The following CD38 variants were observed in gnomAD, a reference collection of about 807,000 sequenced individuals.
CD38 encodes ADP-ribosyl cyclase/cyclic ADP-ribose hydrolase 1.
CD38 carries 31 observed loss-of-function variants against 36.3 expected under a neutral mutation model. That is an observed-to-expected ratio of 0.85 (90% CI 0.64 to 1.15). The LOEUF is 1.15. CD38 is among the 50% of genes most tolerant of loss of function. The probability of loss-of-function intolerance (pLI) is 0.00; values close to 1 mark genes in which losing one functional copy is unlikely to be tolerated. For missense variants in CD38, 380 were observed against 371.9 expected, an observed-to-expected ratio of 1.02 and a Z score of -0.18; for synonymous variants, 131 against 135.2, an observed-to-expected ratio of 0.97 and a Z score of 0.22.
At chr4:15,811,167 A>T (rs1723460285) in intron 1 of CD38, among the ~76,000 whole-genome samples, 1 of 152,226 alleles carries the variant, frequency 6.6e-6, no homozygotes, top group Non-Finnish European at 1.5e-5. Flanking sequence ...TCTGGATGCA[A>T]GTCCTGAAAC....
rs556383842 is a variant in CD38, at chr4:15,792,239, G to A, written c.233+13592G>A. Among the ~76,000 whole-genome samples, 283 of 109,500 alleles carry A rather than the reference G, an allele frequency of 2.6e-3. 3 individuals are homozygous for A. The highest frequency in any genetic ancestry group is 0.012 in the African/African-American group (267 of 22,096). The allele number at this position is 109,500 out of a possible 152,430, so 71.8% of individuals were successfully genotyped here. A position where few individuals can be genotyped will look rare whatever the true frequency, so the allele number is the denominator to read the frequency against. On this transcript the variant is annotated intron_variant, in intron 1 of 7. Transcript: ENST00000226279. ...TGCTTGAAGGCAGCATGCTCGTTAA[G>A]AGTCATCACCACTCCCTAATCTCAA...
At chr4:15,801,809 G>T (rs1723230145) in intron 1 of CD38, among the ~76,000 whole-genome samples, 1 of 152,008 alleles carries the variant, frequency 6.6e-6, no homozygotes, top group Admixed American at 6.6e-5. Context: ...CTTAATAAAG[G>T]CCATATATGA....
intron 1 of CD38, among the ~76,000 whole-genome samples, chr4:15,786,067 G>A (rs369598391): frequency 6.6e-6 from 1 of 152,296 alleles, no homozygotes; most frequent in East Asian, 1.9e-4. Flanking sequence ...CTGTGCTCAG[G>A]AGTTAAGCTG....
intron 4 of CD38, among the ~76,000 whole-genome samples, chr4:15,834,742 C>A (rs1412467225): frequency 6.6e-6 from 1 of 152,084 alleles, no homozygotes; most frequent in Non-Finnish European, 1.5e-5. Flanking sequence ...AGTATTGTAA[C>A]CATTTAACAC....
intron 1 of CD38, among the ~76,000 whole-genome samples, chr4:15,805,097 G>A (rs72616175): frequency 0.14 from 20,512 of 151,918 alleles, 2,551 homozygotes; most frequent in African/African-American, 0.33. Flanking sequence ...TCTTATTATT[G>A]ACTCGTAGGA....
At chr4:15,831,371 TG>T (rs1723955007) in intron 3 of CD38, among the ~76,000 whole-genome samples, 1 of 152,312 alleles carries the variant, frequency 6.6e-6, no homozygotes, top group East Asian at 1.9e-4. Context: ...CTACTGCCAG[TG>T]AGTTTTGTAC....
rs1281335330 is a variant in CD38, at chr4:15,850,214, G to C, written c.*1612G>C. 6.6e-6 allele frequency: 1 copy of C among 152,262 alleles called. No individual in the cohort carries two copies. The highest frequency in any genetic ancestry group is 1.5e-5 in the Non-Finnish European group (1 of 68,108). The allele number at this position is 152,262 out of a possible 1,614,324, so 9.4% of individuals were successfully genotyped here. A position where few individuals can be genotyped will look rare whatever the true frequency, so the allele number is the denominator to read the frequency against. On this transcript the variant is annotated 3_prime_UTR_variant, in exon 8 of 8. Coordinates refer to ENST00000226279, the MANE Select transcript of CD38 (RefSeq NM_001775.4). The stretch of plus-strand genomic sequence containing the variant: ...CTCTGGAGACTGAGGTGGGAGGATT[G>C]TTTGAGCTTGGGAGGTTGAGGCTGC...
chr4:15,842,076 C>T (rs1724225528), intron 7 of CD38, among the ~76,000 whole-genome samples: 1 of 132,666 alleles, frequency 7.5e-6, no homozygotes, highest in Non-Finnish European at 1.6e-5. Context: ...AGGAGGCCTG[C>T]CTGCCTCTGT....
chr4:15,805,637 T>A (rs1428832616), intron 1 of CD38, among the ~76,000 whole-genome samples: 1 of 152,186 alleles, frequency 6.6e-6, no homozygotes, highest in Non-Finnish European at 1.5e-5. Flanking sequence ...TGCTCACAAG[T>A]GTTTCTAGCA....
intron 1 of CD38, among the ~76,000 whole-genome samples, chr4:15,786,049 T>C (rs1010962487): frequency 4.6e-5 from 7 of 152,338 alleles, no homozygotes; most frequent in African/African-American, 1.7e-4. Flanking sequence ...GGTGGGTTCA[T>C]GGTCTCACTG....
chr4:15,784,849 G>A (rs1237294101), intron 1 of CD38, among the ~76,000 whole-genome samples: 2 of 151,916 alleles, frequency 1.3e-5, no homozygotes, highest in African/African-American at 4.8e-5. Context: ...CGAGGTCAGG[G>A]GATTGAGACC....
At position 15,778,741 on chromosome 4, in the gene CD38, C is replaced by A; in HGVS notation, c.233+94C>A. On this transcript the variant is annotated intron_variant, in intron 1 of 7. Coordinates refer to ENST00000226279, the MANE Select transcript of CD38 (RefSeq NM_001775.4). This position sits in a 1 kb window ranked among gnomAD's most constrained non-coding sequence, Gnocchi z 4.9. ...GCCCGGATCGCCCGGAACCGGGCATCTTCCGTGGCGGGTCAGCCGAGAGCC... is the reference window on the plus strand; with the variant it reads ...GCCCGGATCGCCCGGAACCGGGCATATTCCGTGGCGGGTCAGCCGAGAGCC... 1 of 893,752 alleles carries A rather than the reference C, an allele frequency of 1.1e-6. No homozygotes were observed. Among genetic ancestry groups the A allele is most frequent in the Non-Finnish European group, 1.7e-6 (1 of 579,948 alleles). 55.4% of individuals were successfully genotyped at this position (893,752 alleles called of 1,614,324 possible).
chr4:15,813,405 T>G (rs1464659434), intron 1 of CD38, among the ~76,000 whole-genome samples: 2 of 152,260 alleles, frequency 1.3e-5, no homozygotes, highest in African/African-American at 4.8e-5. Context: ...TACAGCACAT[T>G]AAATTGATGG....
chr4:15,829,217 T>C (rs937471100), intron 3 of CD38, among the ~76,000 whole-genome samples: 3 of 152,168 alleles, frequency 2.0e-5, no homozygotes, highest in African/African-American at 7.2e-5. Context: ...TTTTTGTTTG[T>C]TTTTTAATTT....
intron 1 of CD38, among the ~76,000 whole-genome samples, chr4:15,782,480 A>C (rs1722720865): frequency 6.6e-6 from 1 of 152,206 alleles, no homozygotes; most frequent in Admixed American, 6.5e-5. Flanking sequence ...TGCCTCCTGG[A>C]ATGTCTTCTT....
chr4:15,784,644 C>T (rs765598503), intron 1 of CD38, among the ~76,000 whole-genome samples: 1 of 152,176 alleles, frequency 6.6e-6, no homozygotes, highest in African/African-American at 2.4e-5. Context: ...AGTGTCCTCA[C>T]TGAGACCATG....
At chr4:15,841,777 C>G (rs1033740458) in intron 7 of CD38, among the ~76,000 whole-genome samples, 2 of 145,404 alleles carry the variant, frequency 1.4e-5, no homozygotes, top group African/African-American at 5.4e-5. Flanking sequence ...AGTTCCCTTT[C>G]CGAGTCAAAG....
At chr4:15,818,645 C>A (rs551040126) in intron 2 of CD38, among the ~76,000 whole-genome samples, 1 of 152,252 alleles carries the variant, frequency 6.6e-6, no homozygotes, top group East Asian at 1.9e-4. Context: ...AATGAAGCTT[C>A]CAGAGGAAGG....
chr4:15,789,954 C>T (rs1364449117), intron 1 of CD38, among the ~76,000 whole-genome samples: 1 of 152,140 alleles, frequency 6.6e-6, no homozygotes. Context: ...CTATAAGCAA[C>T]AGAAAATGAC....
Sources: gnomAD v4.1 joint callset for allele counts (sites outside exome capture counted in the v4.1 genomes callset) on GRCh38, gnomAD v4.1.1 for gene constraint, Gnocchi (gnomAD v3.1) non-coding constraint, MANE v1.5 for transcripts, NCBI Gene and HGNC (gene_info 2026-07-23, HGNC 2026-07-21) for gene names.